BICC1: variants seen among roughly 807,000 people sequenced by gnomAD.
The protein encoded by BICC1 is protein bicaudal C homolog 1.
Under a neutral mutation model 111.0 loss-of-function variants are expected in BICC1, and 43 were observed. The ratio of observed to expected loss-of-function variants is 0.39; its 90% confidence interval spans 0.30 to 0.50. The LOEUF is 0.50. BICC1 is among the 20% of genes least tolerant of loss of function. The pLI is 0.88. For missense variants in BICC1, 1,091 were observed against 1,203.2 expected, an observed-to-expected ratio of 0.91 and a Z score of 1.38; for synonymous variants, 467 against 434.4, an observed-to-expected ratio of 1.07 and a Z score of -0.93.
chr10:58,677,035 C>A (rs1434106070), intron 2 of BICC1, among the ~76,000 whole-genome samples: 4 of 152,140 alleles, frequency 2.6e-5, no homozygotes, highest in Non-Finnish European at 5.9e-5. Context: ...ACACAAAAAC[C>A]CCATCTGAAG....
chr10:58,707,458 C>T (rs1255254363), intron 3 of BICC1, among the ~76,000 whole-genome samples: 2 of 151,724 alleles, frequency 1.3e-5, no homozygotes, highest in Non-Finnish European at 2.9e-5. Flanking sequence ...GTTAGTGCGT[C>T]GCAGCCAATA....
intron 1 of BICC1, among the ~76,000 whole-genome samples, chr10:58,557,119 A>T (rs754408478): frequency 2.6e-5 from 4 of 151,974 alleles, no homozygotes; most frequent in Non-Finnish European, 4.4e-5. Flanking sequence ...TTTTGCCTTT[A>T]TTTTTGAAAG....
At chr10:58,540,747 A>G (rs1198114643) in intron 1 of BICC1, among the ~76,000 whole-genome samples, 1 of 152,058 alleles carries the variant, frequency 6.6e-6, no homozygotes, top group African/African-American at 2.4e-5. Flanking sequence ...AACGCTTGCA[A>G]ACTCATTCTA....
At chr10:58,662,883 C>G (rs1474607371) in intron 2 of BICC1, among the ~76,000 whole-genome samples, 1 of 152,032 alleles carries the variant, frequency 6.6e-6, no homozygotes, top group African/African-American at 2.4e-5. Flanking sequence ...TTGTTGTCAT[C>G]ACTTTTCTGA....
intron 3 of BICC1, among the ~76,000 whole-genome samples, chr10:58,736,322 C>G (rs1224196882): frequency 6.6e-6 from 1 of 152,150 alleles, no homozygotes; most frequent in East Asian, 1.9e-4. Flanking sequence ...TAGCTGATGA[C>G]TCACTAAAAT....
At chr10:58,593,460 T>C (rs1213294814) in intron 1 of BICC1, among the ~76,000 whole-genome samples, 1 of 152,078 alleles carries the variant, frequency 6.6e-6, no homozygotes, top group African/African-American at 2.4e-5. Flanking sequence ...CACCTCCCAG[T>C]AGGGGCCGAC....
intron 1 of BICC1, among the ~76,000 whole-genome samples, chr10:58,525,581 A>G (rs550477202): frequency 6.0e-4 from 60 of 100,122 alleles, no homozygotes; most frequent in Non-Finnish European, 1.0e-3. Context: ...GGGAGGGGGG[A>G]GGGATAGCAT....
chr10:58,513,190 C>A lies in BICC1; in HGVS notation c.47C>A (p.Pro16His). Reference sequence around the variant, plus strand: ...GGCTACCTGGCGGCGCAGTCGGACCCCGGCTCCAACAGCGAGCGCAGCACC... The same window carrying A: ...GGCTACCTGGCGGCGCAGTCGGACCACGGCTCCAACAGCGAGCGCAGCACC... Reference protein sequence around the residue: ...EPGYLAAQSDPGSNSERSTDS... With the variant: ...EPGYLAAQSDHGSNSERSTDS... The change falls in exon 1 of 21, where the codon CCC becomes CAC. Residue 16 changes from proline to histidine, a missense_variant. Pro to His is a moderately conservative substitution (Grantham distance 77). This residue lies in a region of BICC1 where 843 missense variants were observed against 900.8 expected (regional missense o/e 0.94). Coordinates refer to ENST00000373886, the MANE Select transcript of BICC1 (RefSeq NM_001080512.3). 1 of 1,593,016 alleles carries A rather than the reference C, an allele frequency of 6.3e-7. No homozygotes were observed. The highest frequency in any genetic ancestry group is 8.5e-7 in the Non-Finnish European group (1 of 1,171,436).
At chr10:58,771,691 G>C (rs1279755834) in intron 3 of BICC1, among the ~76,000 whole-genome samples, 1 of 152,118 alleles carries the variant, frequency 6.6e-6, no homozygotes, top group Non-Finnish European at 1.5e-5. Flanking sequence ...TGGTGCAATG[G>C]TGAGTATTTT....
At chr10:58,753,461 G>A (rs1327840380) in intron 3 of BICC1, among the ~76,000 whole-genome samples, 1 of 152,048 alleles carries the variant, frequency 6.6e-6, no homozygotes, top group Admixed American at 6.6e-5. Flanking sequence ...AAGCCACCAC[G>A]CCTGGTCAGT....
At chr10:58,527,017 T>G (rs953048213) in intron 1 of BICC1, among the ~76,000 whole-genome samples, 3 of 152,232 alleles carry the variant, frequency 2.0e-5, no homozygotes, top group African/African-American at 7.2e-5. Context: ...TCTTCCACAA[T>G]GGTTGAACTA....
At chr10:58,749,943 A>C (rs185391064) in intron 3 of BICC1, among the ~76,000 whole-genome samples, 1 of 152,308 alleles carries the variant, frequency 6.6e-6, no homozygotes, top group Non-Finnish European at 1.5e-5. Flanking sequence ...GCACAGACAT[A>C]ATATTTGGGG....
At chr10:58,728,315 A>C (rs1344624886) in intron 3 of BICC1, among the ~76,000 whole-genome samples, 1 of 152,188 alleles carries the variant, frequency 6.6e-6, no homozygotes, top group African/African-American at 2.4e-5. Flanking sequence ...TCATTTCAAC[A>C]ATCTTTGTAG....
At chr10:58,819,096 T>C (rs1844180805) in intron 19 of BICC1, among the ~76,000 whole-genome samples, 1 of 152,190 alleles carries the variant, frequency 6.6e-6, no homozygotes, top group Non-Finnish European at 1.5e-5. Flanking sequence ...AAAGTTTTAT[T>C]GGAACACAGC....
intron 2 of BICC1, among the ~76,000 whole-genome samples, chr10:58,672,902 C>T (rs1409591412): frequency 6.6e-6 from 1 of 152,126 alleles, no homozygotes; most frequent in African/African-American, 2.4e-5. Context: ...TTAATTGGAT[C>T]CTCTTTAAAT....
intron 3 of BICC1, among the ~76,000 whole-genome samples, chr10:58,773,623 G>C (rs1842675769): frequency 6.6e-6 from 1 of 152,220 alleles, no homozygotes; most frequent in Non-Finnish European, 1.5e-5. Context: ...GAGCCATGCA[G>C]CCACTGCCAG....
chr10:58,589,576 A>G (rs1004871850), intron 1 of BICC1, among the ~76,000 whole-genome samples: 1 of 151,574 alleles, frequency 6.6e-6, no homozygotes, highest in Non-Finnish European at 1.5e-5. Flanking sequence ...GGGTCAAGCT[A>G]TTCTCTTGCC....
intron 2 of BICC1, among the ~76,000 whole-genome samples, chr10:58,642,510 A>C (rs1838153357): frequency 6.6e-6 from 1 of 152,020 alleles, no homozygotes; most frequent in Non-Finnish European, 1.5e-5. Flanking sequence ...TGACTTGAGA[A>C]CATTTGCAAA....
intron 2 of BICC1, among the ~76,000 whole-genome samples, chr10:58,689,378 A>T (rs1232679294): frequency 6.6e-6 from 1 of 152,178 alleles, no homozygotes; most frequent in African/African-American, 2.4e-5. Flanking sequence ...AAACCAACCT[A>T]TGGGAATGGG....
Sources: gnomAD v4.1 joint callset for allele counts (sites outside exome capture counted in the v4.1 genomes callset) on GRCh38, gnomAD v4.1.1 for gene constraint, gnomAD v4.1.1 regional missense constraint, MANE v1.5 for transcripts, NCBI Gene and HGNC (gene_info 2026-07-23, HGNC 2026-07-21) for gene names.